Variants in VWF observed in about 807,000 individuals in gnomAD.
VWF encodes the protein Factor VIII related antigen.
In VWF, 176 loss-of-function variants were observed where a neutral mutation model predicts 308.6. The observed-to-expected ratio is 0.57, with a 90% confidence interval of 0.50 to 0.65. The LOEUF is 0.65. Ranked by LOEUF, VWF falls within the 30% of genes least tolerant of loss-of-function variation. The pLI is 0.00. For missense variants in VWF, 3,146 were observed against 3,648.2 expected (o/e 0.86, Z 3.55); for synonymous variants, 1,385 against 1,443.4 (o/e 0.96, Z 0.92).
At chr12:6,039,600 G>A (rs544516141) in intron 18 of VWF, among the ~76,000 whole-genome samples, 8 of 152,218 alleles carry the variant, frequency 5.3e-5, no homozygotes, top group African/African-American at 1.2e-4. Context: ...TAAACCTCTC[G>A]CTTGTTAACC....
At chr12:6,112,781 G>A (rs1238980287) in intron 3 of VWF, among the ~76,000 whole-genome samples, 1 of 151,782 alleles carries the variant, frequency 6.6e-6, no homozygotes, top group East Asian at 1.9e-4. Flanking sequence ...CAGGGCTCTG[G>A]GCTGAACTGA....
chr12:5,978,648 A>G (rs1943558640), intron 42 of VWF, among the ~76,000 whole-genome samples: 1 of 152,256 alleles, frequency 6.6e-6, no homozygotes, highest in South Asian at 2.1e-4. Flanking sequence ...ATACAAGCAA[A>G]AAATCAAGGA....
At chr12:6,032,887 CGCAT>C (rs1432438416) in intron 20 of VWF, among the ~76,000 whole-genome samples, 11 of 131,346 alleles carry the variant, frequency 8.4e-5, no homozygotes, top group Non-Finnish European at 1.3e-4. Flanking sequence ...CACACACACA[CGCAT>C]ACACATACAT....
At chr12:6,032,363 G>GC (rs779262954) in intron 20 of VWF, among the ~76,000 whole-genome samples, 86 of 150,622 alleles carry the variant, frequency 5.7e-4, no homozygotes, top group Middle Eastern at 6.9e-3. Flanking sequence ...AAAGAGGCCG[G>GC]GCATGGTGGC....
chr12:6,054,909 G>A (rs1231441654), intron 15 of VWF, among the ~76,000 whole-genome samples: 1 of 152,098 alleles, frequency 6.6e-6, no homozygotes, highest in Non-Finnish European at 1.5e-5. Flanking sequence ...AAAAGATTGG[G>A]GCAAGAACCC....
chr12:5,988,191 G>A (rs1411530775), intron 38 of VWF, among the ~76,000 whole-genome samples: 1 of 152,196 alleles, frequency 6.6e-6, no homozygotes, highest in African/African-American at 2.4e-5. Flanking sequence ...CTCCCGCAGT[G>A]CCCGGCATCA....
rs752209524 is a variant in VWF, at chr12:6,092,618, AGTGTGTGTGTGTGTGTGTGTGT to A, written c.657+2820_657+2841del. On this transcript the variant is annotated intron_variant, in intron 6 of 51. Transcript: ENST00000261405. ...CCCAGCTAGTTAGTGAGTGAGTGAG[AGTGTGTGTGTGTGTGTGTGTGT>A]GTGTGTGTGTGTGTGTGTGTGTGTG... Among the ~76,000 whole-genome samples, 78 of 66,216 alleles carry A rather than the reference AGTGTGTGTGTGTGTGTGTGTGT, an allele frequency of 1.2e-3. 2 individuals are homozygous for A. The highest frequency in any genetic ancestry group is 8.8e-3 in the Middle Eastern group (1 of 114). The allele number at this position is 66,216 out of a possible 152,430, so 43.4% of individuals were successfully genotyped here.
intron 35 of VWF, 70 bp downstream of exon 35, chr12:5,995,932 G>T (rs1943802924): frequency 1.4e-6 from 2 of 1,452,360 alleles, no homozygotes; most frequent in African/African-American, 2.8e-5. Flanking sequence ...AAAAGCAACT[G>T]CCACCAGGTC....
At chr12:6,077,659 A>T (rs2136477391) in intron 6 of VWF, among the ~76,000 whole-genome samples, 1 of 152,304 alleles carries the variant, frequency 6.6e-6, no homozygotes, top group East Asian at 1.9e-4. Flanking sequence ...CCACGTGAAG[A>T]TGCCACAATG....
At chr12:6,092,618 A>AGAGTGTGT (rs1301391895) in intron 6 of VWF, among the ~76,000 whole-genome samples, 9 of 66,216 alleles carry the variant, frequency 1.4e-4, no homozygotes, top group East Asian at 4.7e-4. Context: ...AGTGAGTGAG[A>AGAGTGTGT]GTGTGTGTGT....
rs545290891 is a variant in VWF at position 6,025,765 on chromosome 12, A to G, written c.3109-72T>C. Reference sequence around the variant, plus strand: ...GGGTTATTCAGCCCAGAAGGATCCAAGAGACCCTCCTTCCCACCCTGCAGC... The same window carrying G: ...GGGTTATTCAGCCCAGAAGGATCCAGGAGACCCTCCTTCCCACCCTGCAGC... On this transcript the variant is annotated intron_variant, in intron 23 of 51. Transcript: ENST00000261405. 100 of 1,503,648 alleles carry G rather than the reference A, an allele frequency of 6.7e-5. 1 individual carries two copies. In the African/African-American group the frequency reaches 1.1e-3, roughly 17 times the overall value. The allele number at this position is 1,503,648 out of a possible 1,614,324, so 93.1% of individuals were successfully genotyped here.
At position 6,036,424 on chromosome 12, in the gene VWF, G is replaced by A. The variant is rs75645183; in HGVS notation, c.2510C>T (p.Ala837Val). ...GCCAATCTTCACTGTTTCTCCAGGGGCATACTCCTTGCCCTGATGGAAGCA... is the reference window on the plus strand; with the variant it reads ...GCCAATCTTCACTGTTTCTCCAGGGACATACTCCTTGCCCTGATGGAAGCA... ...CPCFHQGKEY[A>V]PGETVKIGCN... The change falls in exon 19 of 52, where the codon GCC (alanine) becomes GTC (valine). Residue 837 changes from alanine to valine, a missense_variant. Around this residue, in one of 3 missense-constraint regions of VWF, gnomAD observed 1,304 missense variants for 1,353.0 expected, o/e 0.96. Coordinates refer to ENST00000261405, the MANE Select transcript of VWF (RefSeq NM_000552.5). The A allele has an allele frequency of 6.8e-6, 11 of 1,614,180 alleles. No homozygotes were observed. Among genetic ancestry groups the A allele is most frequent in the Non-Finnish European group, 9.3e-6 (11 of 1,180,024 alleles).
chr12:6,002,321 C>T (rs181395442), intron 34 of VWF, among the ~76,000 whole-genome samples: 2 of 151,328 alleles, frequency 1.3e-5, no homozygotes, highest in South Asian at 2.1e-4. Flanking sequence ...TCCAGAAAGA[C>T]AAATCATGAG....
chr12:6,123,023 A>G, intron 2 of VWF, 119 bp downstream of exon 2: 1 of 1,326,096 alleles, frequency 7.5e-7, no homozygotes, highest in East Asian at 2.3e-5. Flanking sequence ...GGCAACCAAC[A>G]GCCTAAGTTA....
At chr12:5,969,140 G>A in intron 45 of VWF, 71 bp downstream of exon 45, 1 of 1,538,298 alleles carries the variant, frequency 6.5e-7, no homozygotes, top group Non-Finnish European at 8.8e-7. Context: ...AAAGAATTCA[G>A]GAGCCAAAAG....
At chr12:5,983,754 G>A (rs532157198) in intron 40 of VWF, among the ~76,000 whole-genome samples, 75 of 141,118 alleles carry the variant, frequency 5.3e-4, no homozygotes, top group African/African-American at 1.9e-3. Flanking sequence ...CAGACAGATA[G>A]ATACATACAT....
Position 6,020,539 on chromosome 12 carries a change from T to G in VWF, c.3675-796A>C, listed in dbSNP as rs1405194075. Among the ~76,000 whole-genome samples the G allele has an allele frequency of 6.6e-6, 1 of 152,202 alleles. No individual in the cohort carries two copies. Among genetic ancestry groups the G allele is most frequent in the Non-Finnish European group, 1.5e-5 (1 of 68,030 alleles). On this transcript the variant is annotated intron_variant, in intron 27 of 51. Transcript: ENST00000261405. The surrounding 1 kb of genome is among the most constrained non-coding windows in gnomAD (Gnocchi z 4.3). ...GCCCCCCACACACAAATTCCTACAC[T>G]ACCATGCCAAATTTCCAGGCTCTGC...
rs146881891 is a variant in VWF at position 6,021,847 on chromosome 12, C to T, written c.3674+53G>A. On this transcript the variant is annotated intron_variant, in intron 27 of 51. Coordinates refer to ENST00000261405, the MANE Select transcript of VWF (RefSeq NM_000552.5). ...CCAAAACCTAGTCTCTAAGCTGGCC[C>T]CTGGAGAAGCAATAAGATTCATCAC... is the stretch of plus-strand genomic sequence containing the variant. 585 of 1,613,484 alleles carry T rather than the reference C, an allele frequency of 3.6e-4. 2 individuals carry two copies. In the African/African-American group the frequency reaches 7.0e-3, roughly 19 times the overall value.
intron 20 of VWF, 95 bp from the exon 21 acceptor site, chr12:6,031,673 C>A: frequency 6.3e-7 from 1 of 1,590,810 alleles, no homozygotes; most frequent in East Asian, 2.2e-5. Flanking sequence ...CCTTTGAGTA[C>A]GTGTCACAGG....
Sources: allele counts gnomAD v4.1 joint callset (sites outside exome capture counted in the v4.1 genomes callset), GRCh38; gene constraint gnomAD v4.1.1; regional missense constraint gnomAD v4.1.1; non-coding constraint Gnocchi (gnomAD v3.1); transcripts MANE v1.5; gene names NCBI Gene and HGNC (gene_info 2026-07-23, HGNC 2026-07-21).